The following MAPK8IP1 variants were observed in gnomAD, a reference collection of about 807,000 sequenced individuals.
The protein encoded by MAPK8IP1 is mitogen-activated protein kinase 8 interacting protein 1.
MAPK8IP1 carries 17 observed loss-of-function variants against 72.6 expected under a neutral mutation model. The observed-to-expected ratio is 0.23, with a 90% confidence interval of 0.16 to 0.35. The LOEUF (loss-of-function observed/expected upper bound fraction) is 0.35. Ranked by LOEUF, MAPK8IP1 falls within the 10% of genes least tolerant of loss-of-function variation. The probability of loss-of-function intolerance (pLI) is 1.00; values close to 1 mark genes in which losing one functional copy is unlikely to be tolerated. For synonymous variants in MAPK8IP1, 401 were observed against 443.4 expected (o/e 0.90, Z 1.20); for missense variants, 789 against 1,009.7 (o/e 0.78, Z 2.96).
rs1003611468 is a variant in MAPK8IP1 at position 45,900,869 on chromosome 11, C to T, written c.522+417C>T. Among the ~76,000 whole-genome samples, 3 of 151,720 alleles carry T rather than the reference C, an allele frequency of 2.0e-5. No individual in the cohort carries two copies. Among genetic ancestry groups the T allele is most frequent in the Non-Finnish European group, 4.4e-5 (3 of 67,956 alleles). ...AGAAAAGGGCATCTGAAATGGTCAT[C>T]GTGGGGGAGGCCGTGGGAGATCGTG... is the stretch of plus-strand genomic sequence containing the variant. On this transcript the variant is annotated intron_variant, in intron 3 of 11. Transcript: ENST00000241014. This position sits in a 1 kb window ranked among gnomAD's most constrained non-coding sequence, Gnocchi z 6.5.
rs2134676832 is a variant in MAPK8IP1, at chr11:45,902,928, G to A, written c.1161G>A (p.Glu387=). The change falls in exon 5 of 12, where the codon GAG becomes GAA. Residue 387 remains glutamate, a synonymous_variant. Coordinates refer to ENST00000241014, the MANE Select transcript of MAPK8IP1 (RefSeq NM_005456.4). This position sits in a 1 kb window ranked among gnomAD's most constrained non-coding sequence, Gnocchi z 9.3. ...TCAAGTACACGCTGGTGGTAGATGA[G>A]CATGCACAGCTGGAGCTGGTGAGCC... is the stretch of plus-strand genomic sequence containing the variant. ...DSVKYTLVVD[E]HAQLELVSLR... is the part of the protein sequence containing the mutation. 6.2e-7 allele frequency: 1 copy of A among 1,611,160 alleles called. No homozygotes were observed. Among genetic ancestry groups the A allele is most frequent in the Non-Finnish European group, 8.5e-7 (1 of 1,179,322 alleles).
At chr11:45,901,945 A>G in intron 3 of MAPK8IP1, 35 bp from the exon 4 acceptor site, 1 of 1,552,916 alleles carries the variant, frequency 6.4e-7, no homozygotes, top group African/African-American at 1.4e-5. Context: ...ACTGTTGACC[A>G]CTTCCATCAC....
At position 45,904,103 on chromosome 11, in the gene MAPK8IP1, G is replaced by T; in HGVS notation, c.1608G>T (p.Arg536=). Residue 536 remains arginine, a synonymous_variant, in exon 7 of 12, where the codon CGG becomes CGT. Coordinates refer to ENST00000241014, the MANE Select transcript of MAPK8IP1 (RefSeq NM_005456.4). The surrounding 1 kb of genome is among the most constrained non-coding windows in gnomAD (Gnocchi z 6.4). The stretch of plus-strand genomic sequence containing the variant: ...CCTACAACATGCGCACTGGTGCCCG[G>T]GGTGTCTTTCCTGCCTATTACGCCA... ...YEAYNMRTGA[R]GVFPAYYAIE... The T allele has an allele frequency of 6.2e-7, 1 of 1,614,068 alleles. No homozygotes were observed. The highest frequency in any genetic ancestry group is 8.5e-7 in the Non-Finnish European group (1 of 1,180,020).
At position 45,900,054 on chromosome 11, in the gene MAPK8IP1, G is replaced by A; in HGVS notation, c.208-84G>A. 1 of 891,920 alleles carries A rather than the reference G, an allele frequency of 1.1e-6. No homozygotes were observed. Among genetic ancestry groups the A allele is most frequent in the Non-Finnish European group, 1.4e-6 (1 of 704,136 alleles). The allele number at this position is 891,920 out of a possible 1,614,324, so 55.3% of individuals were successfully genotyped here. A position where few individuals can be genotyped will look rare whatever the true frequency, so the allele number is the denominator to read the frequency against. On this transcript the variant is annotated intron_variant, in intron 2 of 11. Coordinates refer to ENST00000241014, the MANE Select transcript of MAPK8IP1 (RefSeq NM_005456.4). This position sits in a 1 kb window ranked among gnomAD's most constrained non-coding sequence, Gnocchi z 6.5. ...TCGTGCCCCCTTCGCGCCACAGAAT[G>A]GACTCGCCCGGGCGGGGGGCGGTGC...
Position 45,899,744 on chromosome 11 carries a change from A to G in MAPK8IP1, c.208-394A>G, listed in dbSNP as rs1590785990. 2.0e-5 allele frequency among the ~76,000 whole-genome samples: 3 copies of G among 151,914 alleles called. No homozygotes were observed. In the South Asian group the frequency reaches 6.2e-4, roughly 32 times the overall value. On this transcript the variant is annotated intron_variant, in intron 2 of 11. Coordinates refer to ENST00000241014, the MANE Select transcript of MAPK8IP1 (RefSeq NM_005456.4). ...TTTCCTCAAGACCCCTTCAAATACT[A>G]TTTCCCCAACCCCCATCCCTTGCCC...
In MAPK8IP1 at chr11:45,903,228, G is replaced by T; in HGVS notation, c.1417+44G>T. Reference sequence around the variant, plus strand: ...GCAGTGGGGTGGGGGGGTCCCTAGCGGGGGCAGAGCCAAAATGCGAAGTGT... The same window carrying T: ...GCAGTGGGGTGGGGGGGTCCCTAGCTGGGGCAGAGCCAAAATGCGAAGTGT... On this transcript the variant is annotated intron_variant, in intron 5 of 11. Transcript: ENST00000241014. This position sits in a 1 kb window ranked among gnomAD's most constrained non-coding sequence, Gnocchi z 6.4. 5 of 1,589,670 alleles carry T rather than the reference G, an allele frequency of 3.1e-6. No homozygotes were observed. Among genetic ancestry groups the T allele is most frequent in the South Asian group, 1.1e-5 (1 of 89,890 alleles).
At chr11:45,901,784 G>T in intron 3 of MAPK8IP1, 196 bp from the exon 4 acceptor site, 1 of 711,374 alleles carries the variant, frequency 1.4e-6, no homozygotes, top group Non-Finnish European at 2.6e-6. Context: ...GCCATCCAGA[G>T]CCGGCAAGCC....
At chr11:45,901,201 C>A (rs1055145914) in intron 3 of MAPK8IP1, among the ~76,000 whole-genome samples, 8 of 152,076 alleles carry the variant, frequency 5.3e-5, no homozygotes, top group Admixed American at 6.6e-5. Flanking sequence ...CTTTTGGCAG[C>A]CCGGCTCAGG....
rs868353161 is a variant in MAPK8IP1 at position 45,902,587 on chromosome 11, C to T, written c.820C>T (p.Arg274Ter). The change falls in exon 5 of 12, where the codon CGA becomes TGA. Residue 274 changes from arginine (R) to a stop codon, truncating the protein, a stop_gained. Coordinates refer to ENST00000241014, the MANE Select transcript of MAPK8IP1 (RefSeq NM_005456.4). LOFTEE classifies it high-confidence loss of function. This position sits in a 1 kb window ranked among gnomAD's most constrained non-coding sequence, Gnocchi z 9.3. ...RDRIHYQADV[R>*]LEATEEIYLT... ...CCGAATCCACTACCAGGCCGATGTG[C>T]GACTAGAGGCCACTGAGGAGATCTA... 1 of 1,612,724 alleles carries T rather than the reference C, an allele frequency of 6.2e-7. No homozygotes were observed.
intron 1 of MAPK8IP1, 39 bp downstream of exon 1, chr11:45,885,960 G>A: frequency 7.3e-7 from 1 of 1,363,746 alleles, no homozygotes. Context: ...GCCCTTCAGC[G>A]GGGACTGATC....
intron 1 of MAPK8IP1, chr11:45,896,818 C>T (rs892340448): frequency 1.6e-5 from 24 of 1,545,612 alleles, no homozygotes; most frequent in Non-Finnish European, 2.1e-5. Flanking sequence ...GCCCCCCCAC[C>T]CTTCCGGGCA....
rs750833037 is a variant in MAPK8IP1, at chr11:45,904,884, C to G, written c.1893+50C>G. The G allele has an allele frequency of 2.5e-6, 4 of 1,607,940 alleles. No individual in the cohort carries two copies. Among genetic ancestry groups the G allele is most frequent in the East Asian group, 4.5e-5 (2 of 44,872 alleles). ...TCCTTCCATGGCCCCAAGCTCTCCC[C>G]CAAGACTTGTGATGAAGAGGCCATC... On this transcript the variant is annotated intron_variant, in intron 9 of 11. Transcript: ENST00000241014. The surrounding 1 kb of genome is among the most constrained non-coding windows in gnomAD (Gnocchi z 6.4).
chr11:45,906,078 C>T lies in MAPK8IP1; in HGVS notation c.*357C>T. The T allele has an allele frequency of 2.2e-6, 1 of 455,986 alleles. No homozygotes were observed. The highest frequency in any genetic ancestry group is 4.0e-6 in the Non-Finnish European group (1 of 248,950). 28.2% of individuals were successfully genotyped at this position (455,986 alleles called of 1,614,324 possible). ...TGCCAGGGCTCGGGCGCTGTGGCTCCTGCCTTGATGAAGCCCGTGTCCTGC... is the reference window on the plus strand; with the variant it reads ...TGCCAGGGCTCGGGCGCTGTGGCTCTTGCCTTGATGAAGCCCGTGTCCTGC... On this transcript the variant is annotated 3_prime_UTR_variant, in exon 12 of 12. Coordinates refer to ENST00000241014, the MANE Select transcript of MAPK8IP1 (RefSeq NM_005456.4).
In MAPK8IP1 at chr11:45,903,527, C is replaced by A; in HGVS notation, c.1493+87C>A. On this transcript the variant is annotated intron_variant, in intron 6 of 11. Transcript: ENST00000241014. This position sits in a 1 kb window ranked among gnomAD's most constrained non-coding sequence, Gnocchi z 6.4. ...ACTTGTCACCCCTACATGGCCTCAG[C>A]CTAACCCCTGCCATCAGCCTTCATT... 1.8e-6 allele frequency: 2 copies of A among 1,142,120 alleles called. No individual in the cohort carries two copies. Among genetic ancestry groups the A allele is most frequent in the Non-Finnish European group, 2.6e-6 (2 of 783,700 alleles). 70.7% of individuals were successfully genotyped at this position (1,142,120 alleles called of 1,614,324 possible).
chr11:45,905,049 G>C lies in MAPK8IP1; in HGVS notation c.1964+8G>C. ...TCATCCAAAGAACAACAAGTAAGTG[G>C]GGGTGGGATGGCAGTGGAGGAGGCA... On this transcript the variant is annotated splice_region_variant and intron_variant, in intron 10 of 11. Coordinates refer to ENST00000241014, the MANE Select transcript of MAPK8IP1 (RefSeq NM_005456.4). 1 of 1,614,100 alleles carries C rather than the reference G, an allele frequency of 6.2e-7. No homozygotes were observed. Among genetic ancestry groups the C allele is most frequent in the Non-Finnish European group, 8.5e-7 (1 of 1,180,016 alleles).
Position 45,898,076 on chromosome 11 carries a change from C to T in MAPK8IP1, c.102-9C>T. On this transcript the variant is annotated splice_polypyrimidine_tract_variant and intron_variant, in intron 1 of 11. Coordinates refer to ENST00000241014, the MANE Select transcript of MAPK8IP1 (RefSeq NM_005456.4). ...CTGAGTTGTAACTTTGGCTTCCTGT[C>T]CCCACCAGGCTCACCCATGACATCA... 2 of 1,597,224 alleles carry T rather than the reference C, an allele frequency of 1.3e-6. No individual in the cohort carries two copies. The highest frequency in any genetic ancestry group is 4.5e-5 in the East Asian group (2 of 44,758).
rs1246600657 is a variant in MAPK8IP1 at position 45,902,837 on chromosome 11, G to T, written c.1070G>T (p.Gly357Val). 6.3e-7 allele frequency: 1 copy of T among 1,582,990 alleles called. No homozygotes were observed. Among genetic ancestry groups the T allele is most frequent in the Non-Finnish European group, 8.6e-7 (1 of 1,166,216 alleles). The change falls in exon 5 of 12, where the codon GGG (glycine) becomes GTG (valine). Residue 357 changes from glycine (G) to valine (V), a missense_variant. Physicochemically the swap from Gly to Val is moderately radical, Grantham distance 109. Transcript: ENST00000241014. The surrounding 1 kb of genome is among the most constrained non-coding windows in gnomAD (Gnocchi z 9.3). ...GGCGGAGGGTGGCGGGGGAGCCTGG[G>T]GGAGCCGCCGCCACCTCCACGGGCC... is the stretch of plus-strand genomic sequence containing the variant. ...PPGGGWRGSL[G>V]EPPPPPRASL... is the part of the protein sequence containing the mutation.
Position 45,905,821 on chromosome 11 carries a change from A to T in MAPK8IP1, c.*100A>T. ...CACTGCTTGAGGAGGGGCACCTGCC[A>T]CCGCCAGAGGACAAGGAAGTGGGGG... On this transcript the variant is annotated 3_prime_UTR_variant, in exon 12 of 12. Coordinates refer to ENST00000241014, the MANE Select transcript of MAPK8IP1 (RefSeq NM_005456.4). 1 of 1,175,432 alleles carries T rather than the reference A, an allele frequency of 8.5e-7. No homozygotes were observed. Among genetic ancestry groups the T allele is most frequent in the Non-Finnish European group, 1.3e-6 (1 of 791,678 alleles). The allele number at this position is 1,175,432 out of a possible 1,614,324, so 72.8% of individuals were successfully genotyped here. A position where few individuals can be genotyped will look rare whatever the true frequency, so the allele number is the denominator to read the frequency against.
rs539142871 is a variant in MAPK8IP1, at chr11:45,896,933, G to A, written c.102-1152G>A. 2,632 of 1,574,038 alleles carry A rather than the reference G, an allele frequency of 1.7e-3. 29 individuals carry two copies. In the South Asian group the frequency reaches 0.018, roughly 11 times the overall value. On this transcript the variant is annotated intron_variant, in intron 1 of 11. Coordinates refer to ENST00000241014, the MANE Select transcript of MAPK8IP1 (RefSeq NM_005456.4). ...GCCCAGACAATGACAGCTGGTTGGA[G>A]GATCAATGGGAGCGCTGGTAGGGGC...
Sources: gnomAD v4.1 joint callset for allele counts (sites outside exome capture counted in the v4.1 genomes callset) on GRCh38, gnomAD v4.1.1 for gene constraint, Gnocchi (gnomAD v3.1) non-coding constraint, MANE v1.5 for transcripts, NCBI Gene and HGNC (gene_info 2026-07-23, HGNC 2026-07-21) for gene names.